Variants in ATP8B4 observed in about 807,000 individuals in gnomAD.
The protein encoded by ATP8B4 is probable phospholipid-transporting ATPase IM.
Under a neutral mutation model 145.6 loss-of-function variants are expected in ATP8B4, and 133 were observed. The ratio of observed to expected loss-of-function variants is 0.91; its 90% CI spans 0.79 to 1.05. ATP8B4 has a LOEUF of 1.05. Ranked by LOEUF, ATP8B4 falls within the 50% of genes least tolerant of loss-of-function variation. The probability of loss-of-function intolerance (pLI) is 0.00; values close to 1 mark genes in which losing one functional copy is unlikely to be tolerated. For synonymous variants in ATP8B4, 507 were observed against 492.9 expected (o/e 1.03, Z -0.38); for missense variants, 1,458 against 1,425.2 (o/e 1.02, Z -0.37).
intron 14 of ATP8B4, among the ~76,000 whole-genome samples, chr15:49,937,314 G>C (rs2041820988): frequency 6.6e-6 from 1 of 152,116 alleles, no homozygotes; most frequent in Non-Finnish European, 1.5e-5. Context: ...GGATGTAGCA[G>C]ACTTTTCACT....
chr15:50,072,028 AT>A (rs1315299542), intron 3 of ATP8B4, among the ~76,000 whole-genome samples: 1 of 150,522 alleles, frequency 6.6e-6, no homozygotes, highest in Non-Finnish European at 1.5e-5. Context: ...ATTAATAAAT[AT>A]TAATAAATAT....
intron 6 of ATP8B4, among the ~76,000 whole-genome samples, 174 bp from the exon 7 acceptor site, chr15:50,011,091 G>A (rs1172218762): frequency 1.3e-5 from 2 of 152,180 alleles, no homozygotes; most frequent in African/African-American, 4.8e-5. Flanking sequence ...GAGAGGTTAA[G>A]TGATTGGTCA....
intron 14 of ATP8B4, among the ~76,000 whole-genome samples, chr15:49,947,292 G>A (rs1269836690): frequency 6.6e-6 from 1 of 151,982 alleles, no homozygotes. Context: ...TTAGCCGGGC[G>A]TGGTGACACG....
chr15:50,130,774 CA>C (rs982056265), intron 1 of ATP8B4, among the ~76,000 whole-genome samples: 1 of 150,736 alleles, frequency 6.6e-6, no homozygotes, highest in African/African-American at 2.4e-5. Context: ...GGCTCTGACT[CA>C]AAAAAAATTA....
chr15:50,029,246 A>AAAAAAAG (rs2050246334), intron 6 of ATP8B4, among the ~76,000 whole-genome samples: 1 of 149,292 alleles, frequency 6.7e-6, no homozygotes, highest in Admixed American at 6.6e-5. Context: ...CTTAAAAAAA[A>AAAAAAAG]AAAAAAAAAA....
chr15:49,980,370 A>T (rs1467998404), intron 11 of ATP8B4, among the ~76,000 whole-genome samples: 1 of 152,186 alleles, frequency 6.6e-6, no homozygotes, highest in African/African-American at 2.4e-5. Context: ...ACATGGTTTG[A>T]AGTCACAGTC....
chr15:49,897,756 G>C (rs1299888902), intron 22 of ATP8B4, among the ~76,000 whole-genome samples: 1 of 152,176 alleles, frequency 6.6e-6, no homozygotes, highest in Non-Finnish European at 1.5e-5. Context: ...GCAAAGATGG[G>C]GTTAAAGTCA....
intron 23 of ATP8B4, chr15:49,895,983 T>C (rs1332042389): frequency 6.6e-6 from 1 of 152,228 alleles, no homozygotes; most frequent in African/African-American, 2.4e-5. Flanking sequence ...GAAACACCCG[T>C]TAGCAGATGG....
At chr15:49,888,272 A>G (rs1009163430) in intron 23 of ATP8B4, among the ~76,000 whole-genome samples, 13 of 152,216 alleles carry the variant, frequency 8.5e-5, no homozygotes, top group African/African-American at 2.4e-4. Flanking sequence ...ACGGGCTCAC[A>G]GGTAACCAAA....
At chr15:50,057,290 C>A (rs751434100) in intron 3 of ATP8B4, among the ~76,000 whole-genome samples, 1 of 152,200 alleles carries the variant, frequency 6.6e-6, no homozygotes, top group Non-Finnish European at 1.5e-5. Flanking sequence ...CTTAAAAAAT[C>A]CAATGAGCTG....
At chr15:49,949,703 A>T (rs984903171) in intron 14 of ATP8B4, among the ~76,000 whole-genome samples, 3 of 152,240 alleles carry the variant, frequency 2.0e-5, no homozygotes, top group African/African-American at 7.2e-5. Flanking sequence ...TTTCAATATT[A>T]TGTTGAATGG....
chr15:50,002,254 T>C (rs1036915495), intron 7 of ATP8B4, 31 bp from the exon 8 acceptor site: 2 of 1,557,434 alleles, frequency 1.3e-6, no homozygotes, highest in East Asian at 4.5e-5. Flanking sequence ...AAAAGAATAC[T>C]TGAGAAGTTA....
intron 1 of ATP8B4, among the ~76,000 whole-genome samples, chr15:50,163,179 G>A (rs1352706798): frequency 1.3e-5 from 2 of 152,332 alleles, no homozygotes; most frequent in East Asian, 3.9e-4. Flanking sequence ...AGATGCTTGT[G>A]GAGTTTGTCA....
intron 1 of ATP8B4, among the ~76,000 whole-genome samples, chr15:50,172,267 C>T (rs370924067): frequency 3.3e-5 from 5 of 152,226 alleles, no homozygotes; most frequent in Admixed American, 6.5e-5. Flanking sequence ...CTCAGCCTGC[C>T]GAGTGCCTGG....
chr15:50,156,079 TATATATATATATAA>T (rs1435367831), intron 1 of ATP8B4, among the ~76,000 whole-genome samples: 2 of 7,428 alleles, frequency 2.7e-4, no homozygotes, highest in African/African-American at 5.7e-4. Context: ...AATAAATATA[TATATATATATATAA>T]ATATATATAT....
chr15:50,001,511 G>C (rs530274536), intron 8 of ATP8B4, among the ~76,000 whole-genome samples: 1 of 152,130 alleles, frequency 6.6e-6, no homozygotes, highest in African/African-American at 2.4e-5. Context: ...TCTAAGCCTT[G>C]ATTTCATTGT....
intron 8 of ATP8B4, among the ~76,000 whole-genome samples, chr15:49,997,960 C>T (rs186204211): frequency 1.1e-3 from 161 of 152,170 alleles, no homozygotes; most frequent in Non-Finnish European, 2.4e-4. Flanking sequence ...CTGGGCTTGA[C>T]GGACAAGAGT....
In ATP8B4 at chr15:49,866,401, A is replaced by C; in HGVS notation, c.3111T>G (p.Phe1037Leu). 1 of 1,613,962 alleles carries C rather than the reference A, an allele frequency of 6.2e-7. No individual in the cohort carries two copies. The highest frequency in any genetic ancestry group is 8.5e-7 in the Non-Finnish European group (1 of 1,179,834). Residue 1037 changes from phenylalanine (F) to leucine (L), a missense_variant, in exon 26 of 28, where the codon TTT becomes TTG. Physicochemically the swap from Phe to Leu is conservative, Grantham distance 22 (BLOSUM62 0). Transcript: ENST00000284509. Reference protein sequence around the residue: ...GSIAIYFSILFTMHSNGIFGI... With the variant: ...GSIAIYFSILLTMHSNGIFGI... ...CAAAGATGCCATTACTGTGCATTGT[A>C]AATAAAATGGAGAAATAAATGGCAA...
intron 3 of ATP8B4, among the ~76,000 whole-genome samples, chr15:50,064,649 G>A (rs978906647): frequency 2.0e-5 from 3 of 152,162 alleles, no homozygotes; most frequent in Non-Finnish European, 2.9e-5. Context: ...TATACTTGAT[G>A]TATTAGTCTA....
Sources: allele counts gnomAD v4.1 joint callset (sites outside exome capture counted in the v4.1 genomes callset), GRCh38; gene constraint gnomAD v4.1.1; transcripts MANE v1.5; gene names NCBI Gene and HGNC (gene_info 2026-07-23, HGNC 2026-07-21).